GRK3: variants seen among roughly 807,000 people sequenced by gnomAD.
GRK3 encodes the protein adrenergic, beta, receptor kinase 2.
In GRK3, 54 loss-of-function variants were observed where a neutral mutation model predicts 95.7. That is an observed-to-expected ratio of 0.56 (90% CI 0.45 to 0.71). GRK3 has a LOEUF of 0.71. Among genes scored for constraint, GRK3 ranks in the 30% least tolerant of loss-of-function variants. GRK3 has a pLI of 0.00. For synonymous variants in GRK3, 281 were observed against 290.8 expected, an observed-to-expected ratio of 0.97 and a Z score of 0.34; for missense variants, 649 against 851.2, an observed-to-expected ratio of 0.76 and a Z score of 2.96.
chr22:25,649,302 G>T, intron 3 of GRK3: 1 of 768,540 alleles, frequency 1.3e-6, no homozygotes, highest in East Asian at 2.5e-5. Flanking sequence ...AATTTCTACA[G>T]GGATCAAAAG....
intron 8 of GRK3, among the ~76,000 whole-genome samples, chr22:25,676,476 G>A (rs2085030449): frequency 6.6e-6 from 1 of 152,120 alleles, no homozygotes; most frequent in African/African-American, 2.4e-5. Flanking sequence ...CCGATCACGA[G>A]GTCAGGAGAT....
At chr22:25,652,474 C>T (rs1174265417) in intron 3 of GRK3, among the ~76,000 whole-genome samples, 3 of 152,050 alleles carry the variant, frequency 2.0e-5, no homozygotes, top group Non-Finnish European at 2.9e-5. Context: ...ACAATAATGT[C>T]GTGTTTCTCG....
chr22:25,566,018 G>C (rs1406116162), intron 1 of GRK3, among the ~76,000 whole-genome samples: 1 of 152,128 alleles, frequency 6.6e-6, no homozygotes, highest in African/African-American at 2.4e-5. Context: ...TTATTATTAA[G>C]GTACTAGTAA....
Position 25,613,327 on chromosome 22 carries a change from G to A in GRK3, c.190+8874G>A, listed in dbSNP as rs558371195. Among the ~76,000 whole-genome samples, 6 of 151,258 alleles carry A rather than the reference G, an allele frequency of 4.0e-5. No individual in the cohort carries two copies. The South Asian group carries it at 1.3e-3, about 32-fold the overall frequency. On this transcript the variant is annotated intron_variant, in intron 2 of 20. Transcript: ENST00000324198. ...CAGTGACACAGTCAGTTCCCACCCT[G>A]CCTTATCTGTAAGAGTTCTCTAGCC...
chr22:25,612,103 G>A (rs916092482), intron 2 of GRK3, among the ~76,000 whole-genome samples: 1 of 152,074 alleles, frequency 6.6e-6, no homozygotes, highest in African/African-American at 2.4e-5. Context: ...AAAGTGCTAG[G>A]ATTACAGGTG....
Position 25,722,532 on chromosome 22 carries a change from C to T in GRK3, c.*82C>T, listed in dbSNP as rs932090856. On this transcript the variant is annotated 3_prime_UTR_variant, in exon 21 of 21. Coordinates refer to ENST00000324198, the MANE Select transcript of GRK3 (RefSeq NM_005160.4). Reference sequence around the variant, plus strand: ...GGTGAACGAGGATGAGGCATCTGATCTATTCGCTACCGGGACTCCTCCAGG... The same window carrying T: ...GGTGAACGAGGATGAGGCATCTGATTTATTCGCTACCGGGACTCCTCCAGG... 5.5e-6 allele frequency: 8 copies of T among 1,466,524 alleles called. No homozygotes were observed. The highest frequency in any genetic ancestry group is 6.5e-6 in the Non-Finnish European group (7 of 1,071,200). 90.8% of individuals were successfully genotyped at this position (1,466,524 alleles called of 1,614,324 possible). A position where few individuals can be genotyped will look rare whatever the true frequency, so the allele number is the denominator to read the frequency against.
intron 13 of GRK3, 36 bp downstream of exon 13, chr22:25,695,250 T>C (rs2085198401): frequency 7.0e-7 from 1 of 1,431,210 alleles, no homozygotes; most frequent in African/African-American, 1.4e-5. Context: ...GCTGTCCTCA[T>C]GGCAGCAGGA....
intron 4 of GRK3, among the ~76,000 whole-genome samples, chr22:25,663,327 A>G (rs1316151899): frequency 1.3e-5 from 2 of 152,130 alleles, no homozygotes; most frequent in African/African-American, 4.8e-5. Context: ...ACTTGACCTG[A>G]TAATAGGATT....
rs1054385024 is a variant in GRK3 at position 25,655,613 on chromosome 22, A to G, written c.265-5963A>G. Among the ~76,000 whole-genome samples the G allele has an allele frequency of 2.6e-5, 4 of 152,046 alleles. No individual in the cohort carries two copies. The South Asian group carries it at 8.3e-4, about 32-fold the overall frequency. On this transcript the variant is annotated intron_variant, in intron 3 of 20. Transcript: ENST00000324198. Reference sequence around the variant, plus strand: ...TGTGGTCAGCATTTTCATCTGGACCATTATTTGACTCATCAGCAGAAGACC... The same window carrying G: ...TGTGGTCAGCATTTTCATCTGGACCGTTATTTGACTCATCAGCAGAAGACC...
At chr22:25,642,304 G>T (rs2084749064) in intron 2 of GRK3, among the ~76,000 whole-genome samples, 1 of 152,114 alleles carries the variant, frequency 6.6e-6, no homozygotes, top group Non-Finnish European at 1.5e-5. Flanking sequence ...ATGATCGCGG[G>T]TGCCTGTAAT....
chr22:25,613,770 G>A (rs1569164306), intron 2 of GRK3, among the ~76,000 whole-genome samples: 1 of 152,210 alleles, frequency 6.6e-6, no homozygotes, highest in Non-Finnish European at 1.5e-5. Flanking sequence ...GAGTCTGCCT[G>A]GGCTGGGAGC....
intron 1 of GRK3, among the ~76,000 whole-genome samples, chr22:25,574,394 AGGT>A (rs1931815186): frequency 6.6e-6 from 1 of 152,154 alleles, no homozygotes; most frequent in Admixed American, 6.5e-5. Context: ...CAGGAAGCTG[AGGT>A]GGGAGGGTTT....
intron 4 of GRK3, among the ~76,000 whole-genome samples, chr22:25,662,955 G>A (rs2146402670): frequency 6.6e-6 from 1 of 152,176 alleles, no homozygotes; most frequent in Admixed American, 6.5e-5. Context: ...GTTACAGTAA[G>A]ACTTTCCTTA....
intron 3 of GRK3, among the ~76,000 whole-genome samples, chr22:25,658,377 C>T (rs2084887399): frequency 6.6e-6 from 1 of 152,196 alleles, no homozygotes; most frequent in African/African-American, 2.4e-5. Flanking sequence ...AAACTCTGAG[C>T]CCTGTCCTCT....
chr22:25,648,074 C>T (rs1357405987), intron 3 of GRK3: 2 of 543,286 alleles, frequency 3.7e-6, no homozygotes, highest in Admixed American at 6.1e-5. Context: ...TGAGATCGCG[C>T]CACTGCACTC....
chr22:25,687,236 A>G (rs546171122), intron 10 of GRK3, among the ~76,000 whole-genome samples: 8 of 152,106 alleles, frequency 5.3e-5, no homozygotes, highest in Admixed American at 1.3e-4. Flanking sequence ...TAGGTAATCA[A>G]AGCAGGTTAG....
chr22:25,576,534 T>A (rs1237052898), intron 1 of GRK3, among the ~76,000 whole-genome samples: 3 of 152,230 alleles, frequency 2.0e-5, no homozygotes, highest in Admixed American at 2.0e-4. Context: ...GAGAGCAAGC[T>A]TTTTTCTTTA....
At chr22:25,572,227 T>A (rs1010042101) in intron 1 of GRK3, among the ~76,000 whole-genome samples, 1 of 152,214 alleles carries the variant, frequency 6.6e-6, no homozygotes, top group African/African-American at 2.4e-5. Context: ...ATGGTGTATA[T>A]GTGCCAGATT....
chr22:25,691,987 A>C (rs1465231023), intron 12 of GRK3, among the ~76,000 whole-genome samples: 2 of 152,106 alleles, frequency 1.3e-5, no homozygotes, highest in Admixed American at 6.5e-5. Flanking sequence ...TTTTTGAGAC[A>C]GGGTCTTGCT....
Sources: gnomAD v4.1 joint callset for allele counts (sites outside exome capture counted in the v4.1 genomes callset) on GRCh38, gnomAD v4.1.1 for gene constraint, MANE v1.5 for transcripts, NCBI Gene and HGNC (gene_info 2026-07-23, HGNC 2026-07-21) for gene names.